PIK3C2G: variants seen among roughly 807,000 people sequenced by gnomAD.
PIK3C2G encodes phosphatidylinositol-4-phosphate 3-kinase catalytic subunit type 2 gamma, also known as phosphatidylinositol 3-kinase C2 domain-containing subunit gamma.
PIK3C2G carries 168 observed loss-of-function variants against 181.1 expected under a neutral mutation model. That is an observed-to-expected ratio of 0.93 (90% confidence interval 0.82 to 1.05). PIK3C2G has a LOEUF of 1.05. PIK3C2G is among the 50% of genes least tolerant of loss of function. The pLI, the probability that PIK3C2G is intolerant of heterozygous loss-of-function variation, is 0.00. For missense variants in PIK3C2G, 1,869 were observed against 1,732.8 expected (o/e 1.08, Z -1.40); for synonymous variants, 573 against 592.2 (o/e 0.97, Z 0.47).
intron 1 of PIK3C2G, among the ~76,000 whole-genome samples, chr12:18,252,027 G>A (rs1465274279): frequency 2.0e-5 from 3 of 151,986 alleles, no homozygotes; most frequent in Non-Finnish European, 2.9e-5. Flanking sequence ...TTCAGAAAAG[G>A]AACATTCAGT....
At chr12:18,355,143 T>C (rs1940605114) in intron 11 of PIK3C2G, among the ~76,000 whole-genome samples, 2 of 152,208 alleles carry the variant, frequency 1.3e-5, no homozygotes, top group South Asian at 4.1e-4. Context: ...ATTGTGCCTG[T>C]TTCCTTGCTT....
At chr12:18,571,752 T>C (rs1437552710) in intron 29 of PIK3C2G, among the ~76,000 whole-genome samples, 2 of 150,846 alleles carry the variant, frequency 1.3e-5, no homozygotes, top group Admixed American at 6.6e-5. Context: ...ATTTCAATGA[T>C]CACTCTTATA....
intron 1 of PIK3C2G, among the ~76,000 whole-genome samples, chr12:18,279,172 T>C (rs535726860): frequency 2.4e-4 from 37 of 152,200 alleles, no homozygotes; most frequent in African/African-American, 8.9e-4. Context: ...CCTCCTTTAA[T>C]CCCTGCTTAT....
At chr12:18,598,258 G>C (rs77053859) in intron 30 of PIK3C2G, among the ~76,000 whole-genome samples, 4,913 of 151,716 alleles carry the variant, frequency 0.032, 99 homozygotes, top group Non-Finnish European at 0.052. Flanking sequence ...ATACTACAAG[G>C]CTACAGTAAC....
At chr12:18,578,734 T>G (rs1451217740) in intron 29 of PIK3C2G, among the ~76,000 whole-genome samples, 1 of 152,176 alleles carries the variant, frequency 6.6e-6, no homozygotes, top group Non-Finnish European at 1.5e-5. Context: ...TACATAAACA[T>G]TAGAATTTAT....
chr12:18,440,352 C>A (rs1043771479), intron 18 of PIK3C2G, among the ~76,000 whole-genome samples: 19 of 152,140 alleles, frequency 1.2e-4, no homozygotes, highest in African/African-American at 4.3e-4. Flanking sequence ...AGACAAAAAA[C>A]CCAGTCCTTC....
chr12:18,303,130 C>CTTTCTTTCTTTCTT (rs1442394917), intron 5 of PIK3C2G, among the ~76,000 whole-genome samples: 1 of 109,746 alleles, frequency 9.1e-6, no homozygotes, highest in African/African-American at 3.3e-5. Flanking sequence ...TTCTTTCTTT[C>CTTTCTTTCTTTCTT]TTTCTTTCTT....
At chr12:18,339,287 A>T (rs1938886554) in intron 9 of PIK3C2G, among the ~76,000 whole-genome samples, 1 of 152,184 alleles carries the variant, frequency 6.6e-6, no homozygotes, top group South Asian at 2.1e-4. Flanking sequence ...TTGCTAGTCC[A>T]TTGTAATGTA....
At chr12:18,602,649 G>T (rs540903139) in intron 30 of PIK3C2G, among the ~76,000 whole-genome samples, 1 of 152,166 alleles carries the variant, frequency 6.6e-6, no homozygotes, top group African/African-American at 2.4e-5. Context: ...CACCAAAACA[G>T]ATGCTGGTAT....
At chr12:18,715,409 T>C in the PIK3C2G span, among the ~76,000 whole-genome samples, 1 of 151,618 alleles carries the variant, frequency 6.6e-6, no homozygotes, top group East Asian at 1.9e-4. Context: ...GTTTTTTTTT[T>C]GTTTTTTTTA....
the PIK3C2G span, among the ~76,000 whole-genome samples, chr12:18,660,775 A>C: frequency 6.6e-6 from 1 of 152,148 alleles, no homozygotes; most frequent in Non-Finnish European, 1.5e-5. Flanking sequence ...GGCATCCAAC[A>C]AACAGGAAAG....
At chr12:18,720,782 G>A in the PIK3C2G span, among the ~76,000 whole-genome samples, 3 of 152,020 alleles carry the variant, frequency 2.0e-5, no homozygotes, top group South Asian at 2.1e-4. Context: ...GCTCACATTA[G>A]CATTATTTAT....
intron 14 of PIK3C2G, among the ~76,000 whole-genome samples, chr12:18,388,596 C>A (rs1440775830): frequency 6.6e-6 from 1 of 152,196 alleles, no homozygotes; most frequent in Non-Finnish European, 1.5e-5. Context: ...TAATACCAAC[C>A]TACGCACAGT....
At chr12:18,693,722 T>C in the PIK3C2G span, 2 of 1,547,022 alleles carry the variant, frequency 1.3e-6, no homozygotes, top group Admixed American at 1.7e-5. Flanking sequence ...GCTGAACCAG[T>C]TGGATGGATT....
At chr12:18,417,006 GA>G (rs1945218490) in intron 16 of PIK3C2G, among the ~76,000 whole-genome samples, 1 of 152,156 alleles carries the variant, frequency 6.6e-6, no homozygotes, top group Non-Finnish European at 1.5e-5. Context: ...ATATAATTAA[GA>G]ACATTGGTGA....
At chr12:18,661,997 C>T in the PIK3C2G span, among the ~76,000 whole-genome samples, 1 of 152,002 alleles carries the variant, frequency 6.6e-6, no homozygotes. Flanking sequence ...GGCCATTATC[C>T]CATTATCCTA....
intron 20 of PIK3C2G, among the ~76,000 whole-genome samples, chr12:18,494,545 A>ATTTT (rs1455940652): frequency 3.9e-5 from 6 of 152,302 alleles, no homozygotes; most frequent in Admixed American, 3.9e-4. Flanking sequence ...TATACCGCAC[A>ATTTT]TGAAAACCAA....
the PIK3C2G span, among the ~76,000 whole-genome samples, chr12:18,719,257 T>A: frequency 6.6e-6 from 1 of 152,158 alleles, no homozygotes; most frequent in Non-Finnish European, 1.5e-5. Context: ...ACGTTGCCAC[T>A]TCATCCAAAT....
chr12:18,514,695 A>G (rs967985136), intron 24 of PIK3C2G, among the ~76,000 whole-genome samples: 10 of 152,002 alleles, frequency 6.6e-5, no homozygotes, highest in East Asian at 3.9e-4. Flanking sequence ...AACACAGACA[A>G]ATTTGACTTC....
Sources: allele counts gnomAD v4.1 joint callset (sites outside exome capture counted in the v4.1 genomes callset), GRCh38; gene constraint gnomAD v4.1.1; transcripts MANE v1.5; gene names NCBI Gene and HGNC (gene_info 2026-07-23, HGNC 2026-07-21).